Variants in PZP observed in about 807,000 individuals in gnomAD.
PZP encodes the protein PZP alpha-2-macroglobulin like.
A neutral mutation model predicts 179.8 loss-of-function variants in PZP; 150 were observed. The observed-to-expected ratio is 0.83, with a 90% CI of 0.73 to 0.96. The LOEUF (loss-of-function observed/expected upper bound fraction) is 0.96. PZP is among the 40% of genes least tolerant of loss of function. PZP has a pLI of 0.00. For synonymous variants in PZP, 624 were observed against 652.3 expected, an observed-to-expected ratio of 0.96 and a Z score of 0.66; for missense variants, 1,689 against 1,764.0, an observed-to-expected ratio of 0.96 and a Z score of 0.76.
chr12:9,161,261 T>C, intron 22 of PZP, 145 bp from the exon 23 acceptor site: 1 of 621,936 alleles, frequency 1.6e-6, no homozygotes, highest in Non-Finnish European at 2.7e-6. Flanking sequence ...ATTGTGATGA[T>C]TTGAGGAAAA....
chr12:9,205,398 T>C (rs979135312), intron 1 of PZP, among the ~76,000 whole-genome samples: 3 of 152,192 alleles, frequency 2.0e-5, no homozygotes, highest in African/African-American at 7.2e-5. Flanking sequence ...ATCTGCCACA[T>C]GACAAGAATT....
Position 9,159,951 on chromosome 12 carries a change from G to A in PZP, c.3124C>T (p.Gln1042Ter). 1.2e-6 allele frequency: 2 copies of A among 1,612,684 alleles called. No homozygotes were observed. Among genetic ancestry groups the A allele is most frequent in the South Asian group, 2.2e-5 (2 of 91,038 alleles). The change falls in exon 25 of 36, where the codon CAG becomes TAG. Residue 1042 changes from glutamine (Q) to a stop codon, truncating the protein, a stop_gained. Transcript: ENST00000261336. LOFTEE classifies it high-confidence loss of function. The part of the protein sequence containing the change: ...STFGERYGRN[Q>*]GNTWLTAFVL... Reference sequence around the variant, plus strand: ...TTTCTTTCTTACCAAGTGTTGCCCTGGTTCCTGCCATATCGTTCCCCAAAG... The same window carrying A: ...TTTCTTTCTTACCAAGTGTTGCCCTAGTTCCTGCCATATCGTTCCCCAAAG...
chr12:9,193,398 C>T (rs182639031), intron 11 of PZP, among the ~76,000 whole-genome samples: 179 of 152,096 alleles, frequency 1.2e-3, no homozygotes, highest in Middle Eastern at 3.4e-3. Context: ...AAACCTTTTG[C>T]GCATAAACAC....
intron 1 of PZP, among the ~76,000 whole-genome samples, chr12:9,207,958 T>C (rs906235178): frequency 6.6e-6 from 1 of 152,232 alleles, no homozygotes; most frequent in African/African-American, 2.4e-5. Context: ...TTCGAATATC[T>C]CTATATTCAG....
At position 9,200,919 on chromosome 12, in the gene PZP, G is replaced by C. The variant is rs781741998; in HGVS notation, c.643C>G (p.Gln215Glu). The change falls in exon 6 of 36, where the codon CAG becomes GAG. Residue 215 changes from glutamine to glutamate, a missense_variant. By Grantham distance (29) the Gln-to-Glu change is conservative. Around this residue, in one of 3 missense-constraint regions of PZP, gnomAD observed 742 missense variants for 730.5 expected, o/e 1.02. Coordinates refer to ENST00000261336, the MANE Select transcript of PZP (RefSeq NM_002864.3). ...VVQTESGGRI[Q>E]HPFTVEEFVL... ...AATTCCTCCACGGTGAAGGGGTGCT[G>C]TATCCTTCCACCTGATTCTGTCTGT... 1.2e-6 allele frequency: 2 copies of C among 1,613,814 alleles called. No individual in the cohort carries two copies. Among genetic ancestry groups the C allele is most frequent in the Non-Finnish European group, 8.5e-7 (1 of 1,179,860 alleles).
intron 14 of PZP, 143 bp from the exon 15 acceptor site, chr12:9,181,275 C>T (rs1942743682): frequency 1.9e-6 from 2 of 1,071,316 alleles, no homozygotes; most frequent in Non-Finnish European, 2.7e-6. Context: ...TTACAACTTT[C>T]CTTCACTTTA....
intron 24 of PZP, 49 bp from the exon 25 acceptor site, chr12:9,160,074 G>T: frequency 6.5e-7 from 1 of 1,536,198 alleles, no homozygotes. Context: ...AGAAAGGCAG[G>T]CCATCCATAT....
Position 9,196,553 on chromosome 12 carries a change from T to C in PZP, c.982+18A>G, listed in dbSNP as rs1943785048. On this transcript the variant is annotated intron_variant, in intron 9 of 35. Coordinates refer to ENST00000261336, the MANE Select transcript of PZP (RefSeq NM_002864.3). ...GTAAACTATTGTTTTATTTCCCATA[T>C]TCGTTCATTACTCACACCTGTCCCC... 6.3e-7 allele frequency: 1 copy of C among 1,582,858 alleles called. No individual in the cohort carries two copies. The highest frequency in any genetic ancestry group is 8.7e-7 in the Non-Finnish European group (1 of 1,151,750).
At position 9,165,268 on chromosome 12, in the gene PZP, G is replaced by C. The variant is rs768379620; in HGVS notation, c.2358C>G (p.Ile786Met). The part of the protein sequence containing the change: ...FCLSEDAGLG[I>M]SSTASLRAFQ... ...AGGCTCGGAGAGAGGCAGTGGAAGA[G>C]ATACCAAGTCCAGCATCTTCGGACA... The change falls in exon 19 of 36, where the codon ATC becomes ATG. Residue 786 changes from isoleucine to methionine, a missense_variant. Transcript: ENST00000261336. 3 of 1,614,098 alleles carry C rather than the reference G, an allele frequency of 1.9e-6. No individual in the cohort carries two copies. In the East Asian group the frequency reaches 6.7e-5, roughly 36 times the overall value.
rs940311022 is a variant in PZP, at chr12:9,170,695, G to T, written c.1840-1104C>A. ...ATACAGATGGTCTGGATGAGGAACG[G>T]TCCCCCACGATGCAGCACAGCTGCC... On this transcript the variant is annotated intron_variant, in intron 15 of 35. Coordinates refer to ENST00000261336, the MANE Select transcript of PZP (RefSeq NM_002864.3). This position sits in a 1 kb window ranked among gnomAD's most constrained non-coding sequence, Gnocchi z 4.6. Among the ~76,000 whole-genome samples, 4 of 152,194 alleles carry T rather than the reference G, an allele frequency of 2.6e-5. No individual in the cohort carries two copies. The highest frequency in any genetic ancestry group is 9.7e-5 in the African/African-American group (4 of 41,444).
At position 9,157,134 on chromosome 12, in the gene PZP, T is replaced by C. The variant is rs199831976; in HGVS notation, c.3550+41A>G. On this transcript the variant is annotated intron_variant, in intron 28 of 35. Coordinates refer to ENST00000261336, the MANE Select transcript of PZP (RefSeq NM_002864.3). ...TGTGCTGTTCCCCTCCCTGTGTCTA[T>C]GTGTTCTCATTGTTCAGCTCCCACT... The C allele has an allele frequency of 8.0e-3, 12,663 of 1,577,554 alleles. 67 individuals are homozygous for C. Among genetic ancestry groups the C allele is most frequent in the Non-Finnish European group, 0.01 (11,848 of 1,154,852 alleles).
intron 1 of PZP, among the ~76,000 whole-genome samples, chr12:9,207,275 T>C (rs1944482367): frequency 6.6e-6 from 1 of 152,122 alleles, no homozygotes; most frequent in African/African-American, 2.4e-5. Context: ...AAGTGCAGTG[T>C]GGGTATGCAA....
In PZP at chr12:9,165,086, C is replaced by T. The variant is rs777248432; in HGVS notation, c.2487+53G>A. On this transcript the variant is annotated intron_variant, in intron 19 of 35. Coordinates refer to ENST00000261336, the MANE Select transcript of PZP (RefSeq NM_002864.3). ...GGAACAGAATCAGTAGCTGACTGAT[C>T]AAAGGAATCTTTTGTTCTACCCACC... is the stretch of plus-strand genomic sequence containing the variant. 119 of 1,565,020 alleles carry T rather than the reference C, an allele frequency of 7.6e-5. No individual in the cohort carries two copies. The East Asian group carries it at 1.3e-3, about 17-fold the overall frequency.
intron 13 of PZP, among the ~76,000 whole-genome samples, chr12:9,182,350 CTTT>C (rs1269572841): frequency 6.6e-6 from 1 of 152,114 alleles, no homozygotes; most frequent in Non-Finnish European, 1.5e-5. Flanking sequence ...TCACTCACAT[CTTT>C]TTTATTTGAT....
the PZP span, among the ~76,000 whole-genome samples, chr12:9,139,205 T>C: frequency 6.6e-6 from 1 of 152,180 alleles, no homozygotes; most frequent in East Asian, 1.9e-4. Context: ...AAGAGTCTGT[T>C]GTTTAATATC....
chr12:9,196,398 T>G lies in PZP; in HGVS notation c.1024A>C (p.Ile342Leu). ...TANRISEITN[I>L]VSKLKFVKVD... ...TTCACGAATTTGAGTTTGGATACAA[T>G]GTTTGTGATTTCACTGATCCTGTTT... is the stretch of plus-strand genomic sequence containing the variant. Residue 342 changes from isoleucine (I) to leucine (L), a missense_variant, in exon 10 of 36, where the codon ATT becomes CTT. Physicochemically the swap from Ile to Leu is conservative, Grantham distance 5. Around this residue, in one of 3 missense-constraint regions of PZP, gnomAD observed 742 missense variants for 730.5 expected, o/e 1.02. Coordinates refer to ENST00000261336, the MANE Select transcript of PZP (RefSeq NM_002864.3). 2 of 1,613,864 alleles carry G rather than the reference T, an allele frequency of 1.2e-6. No homozygotes were observed. The highest frequency in any genetic ancestry group is 1.7e-6 in the Non-Finnish European group (2 of 1,179,764).
At chr12:9,147,119 G>A (rs1940050898), downstream of PZP, among the ~76,000 whole-genome samples, 1 of 152,174 alleles carries the variant, frequency 6.6e-6, no homozygotes, top group African/African-American at 2.4e-5. Context: ...AGAAAAGTTA[G>A]GGCATTAGAC....
At chr12:9,190,756 T>C (rs762047809) in intron 13 of PZP, among the ~76,000 whole-genome samples, 1 of 152,270 alleles carries the variant, frequency 6.6e-6, no homozygotes, top group East Asian at 1.9e-4. Context: ...ATTTAAAATC[T>C]CAATTCTGAA....
At chr12:9,158,768 T>A (rs1940957975) in intron 25 of PZP, among the ~76,000 whole-genome samples, 192 bp from the exon 26 acceptor site, 1 of 149,646 alleles carries the variant, frequency 6.7e-6, no homozygotes, top group African/African-American at 2.4e-5. Context: ...TTTTTTTTTT[T>A]TTTTTTGCTG....
Sources: allele counts gnomAD v4.1 joint callset (sites outside exome capture counted in the v4.1 genomes callset), GRCh38; gene constraint gnomAD v4.1.1; regional missense constraint gnomAD v4.1.1; non-coding constraint Gnocchi (gnomAD v3.1); transcripts MANE v1.5; gene names NCBI Gene and HGNC (gene_info 2026-07-23, HGNC 2026-07-21).